The following ZNF804A variants were observed in gnomAD, a reference collection of about 807,000 sequenced individuals.
ZNF804A encodes zinc finger protein 804A.
Under a neutral mutation model 16.5 loss-of-function variants are expected in ZNF804A, and 2 were observed. The observed-to-expected ratio is 0.12, with a 90% CI of 0.05 to 0.38. ZNF804A has a LOEUF of 0.38. Ranked by LOEUF, ZNF804A falls within the 10% of genes least tolerant of loss-of-function variation. ZNF804A has a pLI of 0.99. For synonymous variants in ZNF804A, 534 were observed against 489.6 expected (o/e 1.09, Z -1.20); for missense variants, 1,473 against 1,390.7 (o/e 1.06, Z -0.94).
intron 1 of ZNF804A, among the ~76,000 whole-genome samples, chr2:184,860,909 G>C (rs1695790556): frequency 6.6e-6 from 1 of 152,242 alleles, no homozygotes; most frequent in South Asian, 2.1e-4. Context: ...TTGGCCTAGG[G>C]TATGGGCAAA....
At chr2:184,741,740 T>C (rs947842058) in intron 1 of ZNF804A, among the ~76,000 whole-genome samples, 4 of 152,164 alleles carry the variant, frequency 2.6e-5, no homozygotes, top group African/African-American at 9.7e-5. Flanking sequence ...TAGAAAAATA[T>C]ACAGGTAATA....
chr2:184,716,807 G>A (rs1046357177), intron 1 of ZNF804A, among the ~76,000 whole-genome samples: 3 of 152,150 alleles, frequency 2.0e-5, no homozygotes, highest in Admixed American at 1.3e-4. Context: ...ACGCAACTGA[G>A]TTTGTGAACA....
At chr2:184,672,292 T>G (rs1431428157) in intron 1 of ZNF804A, among the ~76,000 whole-genome samples, 1 of 152,224 alleles carries the variant, frequency 6.6e-6, no homozygotes, top group Non-Finnish European at 1.5e-5. Flanking sequence ...AATGAGAAAC[T>G]GTAGATGACT....
intron 3 of ZNF804A, among the ~76,000 whole-genome samples, chr2:184,934,316 C>A (rs577143111): frequency 6.6e-6 from 1 of 152,196 alleles, no homozygotes; most frequent in Non-Finnish European, 1.5e-5. Context: ...GTAATTCAGA[C>A]TTTACAATTC....
intron 1 of ZNF804A, among the ~76,000 whole-genome samples, chr2:184,645,207 C>A (rs72897793): frequency 0.11 from 16,607 of 151,952 alleles, 1,171 homozygotes; most frequent in Non-Finnish European, 0.16. Context: ...TATCTGTCTC[C>A]CATTTCAACG....
chr2:184,712,873 C>T (rs977385747), intron 1 of ZNF804A, among the ~76,000 whole-genome samples: 14 of 151,632 alleles, frequency 9.2e-5, no homozygotes, highest in African/African-American at 2.7e-4. Context: ...TGCATAGTTT[C>T]TGCCCTTTGT....
At chr2:184,735,713 C>T (rs1693597081) in intron 1 of ZNF804A, among the ~76,000 whole-genome samples, 1 of 152,072 alleles carries the variant, frequency 6.6e-6, no homozygotes, top group Non-Finnish European at 1.5e-5. Flanking sequence ...TTTAGCATGA[C>T]AGTTTGTGGA....
At chr2:184,842,538 T>A (rs1695453901) in intron 1 of ZNF804A, among the ~76,000 whole-genome samples, 1 of 152,002 alleles carries the variant, frequency 6.6e-6, no homozygotes. Flanking sequence ...AAAAAGGAAA[T>A]TTATGATTTT....
intron 2 of ZNF804A, among the ~76,000 whole-genome samples, chr2:184,876,077 T>C (rs1684668172): frequency 1.3e-5 from 2 of 152,182 alleles, no homozygotes; most frequent in Non-Finnish European, 2.9e-5. Flanking sequence ...AAGTCAAGAT[T>C]CCTTGCTTTG....
intron 2 of ZNF804A, among the ~76,000 whole-genome samples, chr2:184,928,308 T>A (rs1685641115): frequency 6.6e-6 from 1 of 152,074 alleles, no homozygotes; most frequent in Non-Finnish European, 1.5e-5. Context: ...GGTTTCACAA[T>A]TCTGACTGGT....
chr2:184,935,493 T>C (rs1007898504), intron 3 of ZNF804A, among the ~76,000 whole-genome samples: 2 of 152,150 alleles, frequency 1.3e-5, no homozygotes, highest in Non-Finnish European at 2.9e-5. Flanking sequence ...GCCATGAAGG[T>C]AGACAATTTT....
intron 1 of ZNF804A, among the ~76,000 whole-genome samples, chr2:184,778,360 A>G (rs1375944298): frequency 6.6e-6 from 1 of 151,666 alleles, no homozygotes; most frequent in Non-Finnish European, 1.5e-5. Context: ...GATATGGGGA[A>G]AAAGCTAACA....
At chr2:184,931,299 C>A (rs141024143) in intron 2 of ZNF804A, among the ~76,000 whole-genome samples, 2 of 152,330 alleles carry the variant, frequency 1.3e-5, no homozygotes, top group South Asian at 2.1e-4. Flanking sequence ...CCCTTCTGCA[C>A]GGCCCTAGCA....
chr2:184,761,403 A>G (rs1694034701), intron 1 of ZNF804A, among the ~76,000 whole-genome samples: 1 of 152,160 alleles, frequency 6.6e-6, no homozygotes, highest in African/African-American at 2.4e-5. Context: ...GTAAGGCTCA[A>G]ACTTGAAGCT....
chr2:184,919,849 C>T (rs1374615737), intron 2 of ZNF804A, among the ~76,000 whole-genome samples: 2 of 152,286 alleles, frequency 1.3e-5, no homozygotes, highest in East Asian at 1.9e-4. Context: ...GTCATGGTGG[C>T]TTATGCCTGT....
intron 1 of ZNF804A, among the ~76,000 whole-genome samples, chr2:184,823,870 G>A (rs768496964): frequency 9.9e-5 from 15 of 151,966 alleles, no homozygotes; most frequent in Non-Finnish European, 4.4e-5. Context: ...ATTCCAGCAG[G>A]TAAGAAAAAA....
chr2:184,843,934 T>A (rs1695475651), intron 1 of ZNF804A, among the ~76,000 whole-genome samples: 1 of 152,144 alleles, frequency 6.6e-6, no homozygotes, highest in Non-Finnish European at 1.5e-5. Flanking sequence ...TTTGTATTTG[T>A]TGTATTTTTT....
At chr2:184,607,448 G>A (rs562113353) in intron 1 of ZNF804A, among the ~76,000 whole-genome samples, 5 of 152,180 alleles carry the variant, frequency 3.3e-5, no homozygotes, top group Admixed American at 6.5e-5. Context: ...GAGAAGTGCC[G>A]AGTGAAGGCC....
At position 184,939,064 on chromosome 2, in the gene ZNF804A, C is replaced by G. The variant is rs763371442; in HGVS notation, c.*38C>G. 1 of 1,596,980 alleles carries G rather than the reference C, an allele frequency of 6.3e-7. No homozygotes were observed. Among genetic ancestry groups the G allele is most frequent in the East Asian group, 2.2e-5 (1 of 44,694 alleles). Reference sequence around the variant, plus strand: ...TGGGAAAAAAATACTCTTGTGAAAACTATTGCTATATGCGTTAAGTGTTCA... The same window carrying G: ...TGGGAAAAAAATACTCTTGTGAAAAGTATTGCTATATGCGTTAAGTGTTCA... On this transcript the variant is annotated 3_prime_UTR_variant, in exon 4 of 4. Transcript: ENST00000302277.
Sources: gnomAD v4.1 joint callset for allele counts (sites outside exome capture counted in the v4.1 genomes callset) on GRCh38, gnomAD v4.1.1 for gene constraint, MANE v1.5 for transcripts, NCBI Gene and HGNC (gene_info 2026-07-23, HGNC 2026-07-21) for gene names.